Variants in TXNDC11 observed in about 807,000 individuals in gnomAD.
TXNDC11 encodes the protein thioredoxin domain-containing protein 11.
Under a neutral mutation model 78.0 loss-of-function variants are expected in TXNDC11, and 68 were observed. The observed-to-expected ratio is 0.87, with a 90% CI of 0.72 to 1.07. The LOEUF is 1.07. Among genes scored for constraint, TXNDC11 ranks in the 50% least tolerant of loss-of-function variants. The probability of loss-of-function intolerance (pLI) is 0.00; values close to 1 mark genes in which losing one functional copy is unlikely to be tolerated. For synonymous variants in TXNDC11, 571 were observed against 495.2 expected (o/e 1.15, Z -2.03); for missense variants, 1,389 against 1,221.8 (o/e 1.14, Z -2.04).
At position 11,679,699 on chromosome 16, in the gene TXNDC11, G is replaced by A. The variant is rs1364505486; in HGVS notation, c.2373C>T (p.Ser791=). Residue 791 remains serine (S), a synonymous_variant, in exon 12 of 12, where the codon AGC becomes AGT. Coordinates refer to ENST00000283033, the MANE Select transcript of TXNDC11 (RefSeq NM_015914.7). The surrounding 1 kb of genome is among the most constrained non-coding windows in gnomAD (Gnocchi z 4.6). ...TGTGCCCCCGCTGTAAGACTGCCTC[G>A]CTCTGAAGACACTCCTTGGTAGGAG... ...ANSPTKECLQ[S]EAVLQRGHIS... 10 of 1,614,082 alleles carry A rather than the reference G, an allele frequency of 6.2e-6. No homozygotes were observed. Among genetic ancestry groups the A allele is most frequent in the Middle Eastern group, 1.6e-4 (1 of 6,084 alleles).
chr16:11,679,818 A>T lies in TXNDC11; in HGVS notation c.2254T>A (p.Tyr752Asn), dbSNP rs1204075046. ...AGGGTGATGGGGACGTCTTCGGGGTATTTCACACTTAGGTCCTTTCTGGAG... is the reference window on the plus strand; with the variant it reads ...AGGGTGATGGGGACGTCTTCGGGGTTTTTCACACTTAGGTCCTTTCTGGAG... ...PCNRKDLSVK[Y>N]PEDVPITLPN... The change falls in exon 12 of 12, where the codon TAC (tyrosine) becomes AAC (asparagine). Residue 752 changes from tyrosine (Y) to asparagine (N), a missense_variant. Coordinates refer to ENST00000283033, the MANE Select transcript of TXNDC11 (RefSeq NM_015914.7). This position sits in a 1 kb window ranked among gnomAD's most constrained non-coding sequence, Gnocchi z 4.6. 6.2e-7 allele frequency: 1 copy of T among 1,612,648 alleles called. No individual in the cohort carries two copies. Among genetic ancestry groups the T allele is most frequent in the Non-Finnish European group, 8.5e-7 (1 of 1,178,894 alleles).
intron 5 of TXNDC11, among the ~76,000 whole-genome samples, chr16:11,714,735 T>C (rs1488226638): frequency 2.6e-5 from 4 of 152,144 alleles, no homozygotes. Context: ...GACTCAGTTC[T>C]ACAAGCAAAT....
Position 11,692,135 on chromosome 16 carries a change from C to G in TXNDC11, c.1108-53G>C. The G allele has an allele frequency of 9.3e-6, 13 of 1,398,388 alleles. No homozygotes were observed. In the South Asian group the frequency reaches 1.9e-4, roughly 20 times the overall value. The allele number at this position is 1,398,388 out of a possible 1,614,324, so 86.6% of individuals were successfully genotyped here. On this transcript the variant is annotated intron_variant, in intron 7 of 11. Transcript: ENST00000283033. ...GGCTTGGGGATGACTGAGGGACTAG[C>G]ACCCCGTTAGCCACGTTTCACTTTC...
At chr16:11,741,528 C>T (rs544337529) in intron 1 of TXNDC11, among the ~76,000 whole-genome samples, 2 of 152,296 alleles carry the variant, frequency 1.3e-5, no homozygotes, top group South Asian at 2.1e-4. Flanking sequence ...CACGCTCCCC[C>T]GGGATCTTCC....
chr16:11,704,187 G>C (rs886730163), intron 5 of TXNDC11, among the ~76,000 whole-genome samples: 7 of 152,170 alleles, frequency 4.6e-5, no homozygotes, highest in Admixed American at 1.3e-4. Context: ...AGTAGCCAAA[G>C]TTGGAACAAT....
intron 5 of TXNDC11, among the ~76,000 whole-genome samples, chr16:11,711,215 A>G (rs1161558624): frequency 6.6e-6 from 1 of 152,228 alleles, no homozygotes; most frequent in Non-Finnish European, 1.5e-5. Context: ...GGAGCTGCAG[A>G]GAAAACAGAG....
At chr16:11,741,102 G>C (rs1387594937) in intron 1 of TXNDC11, among the ~76,000 whole-genome samples, 1 of 152,180 alleles carries the variant, frequency 6.6e-6, no homozygotes, top group African/African-American at 2.4e-5. Flanking sequence ...ACAGTGCCAA[G>C]ACGGAGAAAC....
chr16:11,709,884 T>C (rs1393728289), intron 5 of TXNDC11, among the ~76,000 whole-genome samples: 1 of 152,216 alleles, frequency 6.6e-6, no homozygotes, highest in East Asian at 1.9e-4. Context: ...CTCACACCAA[T>C]TGTTCTCATT....
At chr16:11,728,860 G>C (rs2051960219) in intron 4 of TXNDC11, among the ~76,000 whole-genome samples, 2 of 152,018 alleles carry the variant, frequency 1.3e-5, no homozygotes, top group East Asian at 3.9e-4. Flanking sequence ...AATTAGCCAG[G>C]TATGATGGTG....
chr16:11,715,276 T>A lies in TXNDC11; in HGVS notation c.793+6301A>T, dbSNP rs74564117. On this transcript the variant is annotated intron_variant, in intron 5 of 11. Transcript: ENST00000283033. The stretch of plus-strand genomic sequence containing the variant: ...GTTTAGTGTATTTCCAAGATGGTAT[T>A]TAGGTACCATGTGAATTTCAATTTG... Among the ~76,000 whole-genome samples the A allele has an allele frequency of 8.5e-5, 13 of 152,214 alleles. No homozygotes were observed. The East Asian group carries it at 2.5e-3, about 29-fold the overall frequency.
intron 10 of TXNDC11, among the ~76,000 whole-genome samples, chr16:11,684,691 A>G (rs540989447): frequency 2.6e-5 from 4 of 152,342 alleles, no homozygotes; most frequent in African/African-American, 9.6e-5. Flanking sequence ...CTATTTTCTT[A>G]GCAGATTTGA....
chr16:11,724,995 T>A (rs1445858062), intron 4 of TXNDC11, among the ~76,000 whole-genome samples: 1 of 152,176 alleles, frequency 6.6e-6, no homozygotes, highest in Admixed American at 6.5e-5. Flanking sequence ...TCTGCCCGCC[T>A]CGGCCTCCCA....
At chr16:11,721,170 T>G (rs1270386933) in intron 5 of TXNDC11, 1 of 159,640 alleles carries the variant, frequency 6.3e-6, no homozygotes, top group Admixed American at 6.3e-5. Context: ...CTGGGCGCAG[T>G]GGCTCATGCC....
At chr16:11,684,138 C>T (rs2050503964) in intron 11 of TXNDC11, 27 bp downstream of exon 11, 3 of 1,535,264 alleles carry the variant, frequency 2.0e-6, no homozygotes, top group African/African-American at 2.7e-5. Context: ...TCCCAACTGC[C>T]CACCAGTGAC....
chr16:11,727,973 G>A (rs1037703140), intron 4 of TXNDC11, among the ~76,000 whole-genome samples: 3 of 152,214 alleles, frequency 2.0e-5, no homozygotes, highest in East Asian at 1.9e-4. Flanking sequence ...GTGGGTGGAG[G>A]CCAGGGATAT....
chr16:11,712,929 A>AACACACACAC (rs111887849), intron 5 of TXNDC11, among the ~76,000 whole-genome samples: 3,761 of 141,982 alleles, frequency 0.026, 88 homozygotes, highest in Middle Eastern at 0.046. Flanking sequence ...TTCCACTTAA[A>AACACACACAC]ACACACACAC....
chr16:11,724,864 G>A (rs1283387355), intron 4 of TXNDC11, among the ~76,000 whole-genome samples: 1 of 152,172 alleles, frequency 6.6e-6, no homozygotes, highest in South Asian at 2.1e-4. Flanking sequence ...TCCTGCCTCA[G>A]CCTCCCGAGT....
chr16:11,742,792 C>T lies in TXNDC11; in HGVS notation c.-62G>A, dbSNP rs1209228769. 1 of 1,394,710 alleles carries T rather than the reference C, an allele frequency of 7.2e-7. No homozygotes were observed. Among genetic ancestry groups the T allele is most frequent in the South Asian group, 1.7e-5 (1 of 59,364 alleles). The allele number at this position is 1,394,710 out of a possible 1,614,324, so 86.4% of individuals were successfully genotyped here. Reference sequence around the variant, plus strand: ...CCGCCTCGGGCCCGAAGGCCCGGCCCGGCCCGTTGCTCCCCAATCCCGCAG... The same window carrying T: ...CCGCCTCGGGCCCGAAGGCCCGGCCTGGCCCGTTGCTCCCCAATCCCGCAG... On this transcript the variant is annotated 5_prime_UTR_variant, in exon 1 of 12. Transcript: ENST00000283033.
chr16:11,694,479 C>A (rs988053478), intron 7 of TXNDC11, among the ~76,000 whole-genome samples: 2 of 151,450 alleles, frequency 1.3e-5, no homozygotes, highest in South Asian at 2.1e-4. Context: ...CGGAGTTTTG[C>A]TCCAGTTGCA....
Sources: gnomAD v4.1 joint callset for allele counts (sites outside exome capture counted in the v4.1 genomes callset) on GRCh38, gnomAD v4.1.1 for gene constraint, Gnocchi (gnomAD v3.1) non-coding constraint, MANE v1.5 for transcripts, NCBI Gene and HGNC (gene_info 2026-07-23, HGNC 2026-07-21) for gene names.